The following TFEC variants were observed in gnomAD, a reference collection of about 807,000 sequenced individuals.
The protein encoded by TFEC is class E basic helix-loop-helix protein 34.
TFEC carries 31 observed loss-of-function variants against 41.6 expected under a neutral mutation model. That is an observed-to-expected ratio of 0.74 (90% CI 0.56 to 1.01). The LOEUF is 1.01. Ranked by LOEUF, TFEC falls within the 50% of genes least tolerant of loss-of-function variation. The pLI, the probability that TFEC is intolerant of heterozygous loss-of-function variation, is 0.00. For missense variants in TFEC, 402 were observed against 404.1 expected (o/e 0.99, Z 0.04); for synonymous variants, 143 against 140.6 (o/e 1.02, Z -0.12).
At chr7:116,034,327 T>C (rs1468175082), upstream of TFEC, among the ~76,000 whole-genome samples, 1 of 152,058 alleles carries the variant, frequency 6.6e-6, no homozygotes, top group South Asian at 2.1e-4. Flanking sequence ...CTGATATCTC[T>C]CTTGAATTCC....
At chr7:116,071,515 C>G (rs1290931001) in intron 3 of TFEC, among the ~76,000 whole-genome samples, 1 of 151,198 alleles carries the variant, frequency 6.6e-6, no homozygotes, top group Non-Finnish European at 1.5e-5. Context: ...TTAAATTATT[C>G]TTAACATGAT....
chr7:116,081,252 C>T (rs1169297755), intron 3 of TFEC, among the ~76,000 whole-genome samples: 1 of 151,552 alleles, frequency 6.6e-6, no homozygotes, highest in African/African-American at 2.4e-5. Context: ...AAAAGACTAC[C>T]CACTGGGTAC....
upstream of TFEC, among the ~76,000 whole-genome samples, chr7:116,034,508 C>A (rs1272352072): frequency 6.6e-6 from 1 of 152,008 alleles, no homozygotes; most frequent in South Asian, 2.1e-4. Flanking sequence ...ACGTGTCCAT[C>A]AGTAACTCCT....
At chr7:115,950,706 A>T (rs775502533) in intron 6 of TFEC, among the ~76,000 whole-genome samples, 168 bp downstream of exon 6, 1 of 152,108 alleles carries the variant, frequency 6.6e-6, no homozygotes, top group Non-Finnish European at 1.5e-5. Flanking sequence ...GATGCTCAAT[A>T]ACAATCAGAC....
intron 1 of TFEC, among the ~76,000 whole-genome samples, chr7:116,011,520 A>C (rs1447209565): frequency 6.6e-6 from 1 of 152,188 alleles, no homozygotes; most frequent in Non-Finnish European, 1.5e-5. Flanking sequence ...AGTATGAAGA[A>C]CTGTCCTTTC....
Position 115,956,763 on chromosome 7 carries a change from C to T in TFEC, c.298G>A (p.Gly100Ser), listed in dbSNP as rs35170691. 2.9e-3 allele frequency: 4,583 copies of T among 1,596,094 alleles called. 100 individuals carry two copies. The African/African-American group carries it at 0.053, about 18-fold the overall frequency. ...TTAATTGGTGAAATTCCTTGTTCAC[C>T]GCTATACACATCCAAAATACTTCCA... The part of the protein sequence containing the change: ...LSGSILDVYS[G>S]EQGISPINMG... The change falls in exon 4 of 8, where the codon GGT (glycine) becomes AGT (serine). Residue 100 changes from glycine (G) to serine (S), a missense_variant. Coordinates refer to ENST00000265440, the MANE Select transcript of TFEC (RefSeq NM_012252.4).
intron 1 of TFEC, among the ~76,000 whole-genome samples, chr7:116,006,330 T>TGCAAA (rs1474543826): frequency 2.0e-5 from 3 of 152,182 alleles, no homozygotes; most frequent in Non-Finnish European, 2.9e-5. Context: ...GGCTACATTC[T>TGCAAA]GCAAAGCAAC....
At chr7:116,107,034 G>A (rs1451592735) in intron 3 of TFEC, among the ~76,000 whole-genome samples, 1 of 152,068 alleles carries the variant, frequency 6.6e-6, no homozygotes, top group Non-Finnish European at 1.5e-5. Context: ...AAATAAACTT[G>A]ACAGAGTTTT....
intron 3 of TFEC, among the ~76,000 whole-genome samples, chr7:116,091,232 T>G (rs1024558655): frequency 8.5e-5 from 13 of 152,250 alleles, no homozygotes; most frequent in African/African-American, 3.1e-4. Flanking sequence ...AAATTGGTAA[T>G]ATAATTCAGA....
rs1562868876 is a variant in TFEC, at chr7:115,937,497, C to T, written c.*3054G>A. 1 of 151,728 alleles carries T rather than the reference C, an allele frequency of 6.6e-6. No homozygotes were observed. The highest frequency in any genetic ancestry group is 2.4e-5 in the African/African-American group (1 of 41,388). 9.4% of individuals were successfully genotyped at this position (151,728 alleles called of 1,614,324 possible). The stretch of plus-strand genomic sequence containing the variant: ...TTTTTGTTTGGAAATTTATTTGCAT[C>T]ATTTCAAAATGTTATGGTCAGATGT... On this transcript the variant is annotated 3_prime_UTR_variant, in exon 8 of 8. Coordinates refer to ENST00000265440, the MANE Select transcript of TFEC (RefSeq NM_012252.4).
At chr7:116,019,869 A>C (rs1054766300) in intron 1 of TFEC, among the ~76,000 whole-genome samples, 2 of 152,218 alleles carry the variant, frequency 1.3e-5, no homozygotes, top group African/African-American at 2.4e-5. Context: ...CAGAGAGATT[A>C]AGCAACTTGT....
chr7:116,028,625 CTA>C (rs1297147843), intron 1 of TFEC, among the ~76,000 whole-genome samples: 1 of 152,204 alleles, frequency 6.6e-6, no homozygotes, highest in Non-Finnish European at 1.5e-5. Flanking sequence ...TCTGGATCTG[CTA>C]TCACTCCATA....
At chr7:116,047,054 A>G (rs1047399209) in intron 3 of TFEC, among the ~76,000 whole-genome samples, 6 of 152,232 alleles carry the variant, frequency 3.9e-5, no homozygotes, top group Non-Finnish European at 7.3e-5. Context: ...CCTGGTTCCA[A>G]GATGGCCGAA....
At chr7:115,993,157 C>A (rs1167884609) in intron 1 of TFEC, among the ~76,000 whole-genome samples, 1 of 152,136 alleles carries the variant, frequency 6.6e-6, no homozygotes, top group African/African-American at 2.4e-5. Flanking sequence ...AATTCAATAG[C>A]CCTTCATGCT....
chr7:116,066,979 T>C (rs1003588858), intron 3 of TFEC, among the ~76,000 whole-genome samples: 1 of 152,044 alleles, frequency 6.6e-6, no homozygotes, highest in Admixed American at 6.6e-5. Flanking sequence ...ACTTAAGAAG[T>C]GTATGTATTT....
At chr7:116,077,432 A>G (rs1796984690) in intron 3 of TFEC, among the ~76,000 whole-genome samples, 1 of 152,186 alleles carries the variant, frequency 6.6e-6, no homozygotes, top group South Asian at 2.1e-4. Context: ...TCTCAATGCT[A>G]ATGTTGAATG....
At chr7:116,007,571 T>C (rs370935248) in intron 1 of TFEC, among the ~76,000 whole-genome samples, 17 of 152,330 alleles carry the variant, frequency 1.1e-4, no homozygotes, top group East Asian at 9.7e-4. Context: ...AATACGTGAC[T>C]TATTCCCACG....
At chr7:116,095,102 A>G (rs1009567043) in intron 3 of TFEC, among the ~76,000 whole-genome samples, 2 of 152,230 alleles carry the variant, frequency 1.3e-5, no homozygotes. Context: ...TTAAAATGGT[A>G]TCCAAGATTT....
At chr7:116,131,757 T>C (rs112070511) in intron 1 of TFEC, among the ~76,000 whole-genome samples, 2,137 of 152,252 alleles carry the variant, frequency 0.014, 45 homozygotes, top group African/African-American at 0.049. Context: ...CTTAAAGAGT[T>C]TGCTAAGCAA....
Sources: gnomAD v4.1 joint callset for allele counts (sites outside exome capture counted in the v4.1 genomes callset) on GRCh38, gnomAD v4.1.1 for gene constraint, MANE v1.5 for transcripts, NCBI Gene and HGNC (gene_info 2026-07-23, HGNC 2026-07-21) for gene names.